The following DNAAF11 variants were observed in gnomAD, a reference collection of about 807,000 sequenced individuals.
DNAAF11 encodes the protein leucine rich repeat containing 6.
DNAAF11 carries 45 observed loss-of-function variants against 60.8 expected under a neutral mutation model. The observed-to-expected ratio is 0.74, with a 90% CI of 0.58 to 0.95. DNAAF11 has a LOEUF of 0.95. DNAAF11 is among the 40% of genes least tolerant of loss of function. DNAAF11 has a pLI of 0.00. For missense variants in DNAAF11, 546 were observed against 546.2 expected, an observed-to-expected ratio of 1.00 and a Z score of 0.00; for synonymous variants, 191 against 183.5, an observed-to-expected ratio of 1.04 and a Z score of -0.33.
chr8:132,578,962 G>T (rs1563963670), intron 11 of DNAAF11, among the ~76,000 whole-genome samples: 1 of 152,252 alleles, frequency 6.6e-6, no homozygotes, highest in East Asian at 1.9e-4. Context: ...CAGTGCCAAA[G>T]AGCTTCTCTG....
intron 4 of DNAAF11, among the ~76,000 whole-genome samples, chr8:132,636,057 C>A (rs948738459): frequency 2.0e-4 from 30 of 151,710 alleles, no homozygotes; most frequent in African/African-American, 6.1e-4. Context: ...TTTCTGTTGT[C>A]TAAGCCATCT....
In DNAAF11 at chr8:132,612,297, A is replaced by C. The variant is rs1818744002; in HGVS notation, c.975-934T>G. Reference sequence around the variant, plus strand: ...ATAAAGCATCATTATATGCCATTTAAAAACAATTTTTATAATAATAATAGA... The same window carrying C: ...ATAAAGCATCATTATATGCCATTTACAAACAATTTTTATAATAATAATAGA... On this transcript the variant is annotated intron_variant, in intron 8 of 11. Coordinates refer to ENST00000620350, the MANE Select transcript of DNAAF11 (RefSeq NM_012472.6). Among the ~76,000 whole-genome samples, 2 of 152,210 alleles carry C rather than the reference A, an allele frequency of 1.3e-5. 1 individual carries two copies. Among genetic ancestry groups the C allele is most frequent in the Admixed American group, 1.3e-4 (2 of 15,274 alleles).
chr8:132,644,378 G>A (rs780322695), intron 3 of DNAAF11, among the ~76,000 whole-genome samples: 4 of 152,276 alleles, frequency 2.6e-5, no homozygotes, highest in East Asian at 1.9e-4. Flanking sequence ...GTTTCAAGAC[G>A]GCCAAATAGG....
chr8:132,650,069 G>A (rs1308485069), intron 3 of DNAAF11, among the ~76,000 whole-genome samples: 11 of 152,148 alleles, frequency 7.2e-5, no homozygotes, highest in Non-Finnish European at 1.0e-4. Context: ...ACATGCATAC[G>A]TATATTTATT....
chr8:132,661,606 C>T lies in DNAAF11; in HGVS notation c.32G>A (p.Arg11Gln), dbSNP rs149894438. ...GACACAGTCGTTGTGTTCAGCATTC[C>T]GTCTAATAAGATCTTCTGTGACTGG... MGWITEDLIR[R>Q]NAEHNDCVIF... The change falls in exon 2 of 12, where the codon CGG (arginine) becomes CAG (glutamine). Residue 11 changes from arginine (R) to glutamine (Q), a missense_variant. Coordinates refer to ENST00000620350, the MANE Select transcript of DNAAF11 (RefSeq NM_012472.6). 85 of 1,613,876 alleles carry T rather than the reference C, an allele frequency of 5.3e-5. No individual in the cohort carries two copies. In the African/African-American group the frequency reaches 1.0e-3, roughly 19 times the overall value.
At chr8:132,606,865 T>C (rs1310256905) in intron 10 of DNAAF11, among the ~76,000 whole-genome samples, 2 of 152,340 alleles carry the variant, frequency 1.3e-5, no homozygotes, top group East Asian at 3.9e-4. Context: ...GAAATATTTT[T>C]GTATAGCTGT....
chr8:132,600,029 A>G (rs1410503563), intron 10 of DNAAF11, among the ~76,000 whole-genome samples: 17 of 152,154 alleles, frequency 1.1e-4, no homozygotes, highest in Admixed American at 6.5e-5. Context: ...AAACCCCATC[A>G]TCTCAGCCCA....
the DNAAF11 span, among the ~76,000 whole-genome samples, chr8:132,698,007 G>A: frequency 6.6e-6 from 1 of 152,164 alleles, no homozygotes; most frequent in South Asian, 2.1e-4. Flanking sequence ...ACACCCCTGT[G>A]AGATAGGCAG....
In DNAAF11 at chr8:132,572,361, G is replaced by C; in HGVS notation, c.1346C>G (p.Pro449Arg). The C allele has an allele frequency of 6.2e-7, 1 of 1,613,788 alleles. No homozygotes were observed. The highest frequency in any genetic ancestry group is 8.5e-7 in the Non-Finnish European group (1 of 1,179,848). ...TTCAAAGGTTGGGTCTTCCTCACTT[G>C]GTATAATTTTGGGTTCAGGTCGTCT... ...PRRRPEPKIIPSEEDPTFEDN... is the reference protein window; with the variant it reads ...PRRRPEPKIIRSEEDPTFEDN... The change falls in exon 12 of 12, where the codon CCA (proline) becomes CGA (arginine). Residue 449 changes from proline to arginine, a missense_variant. Pro to Arg is a moderately radical substitution (Grantham distance 103). Transcript: ENST00000620350.
the DNAAF11 span, among the ~76,000 whole-genome samples, chr8:132,689,259 G>A: frequency 6.6e-6 from 1 of 152,108 alleles, no homozygotes; most frequent in South Asian, 2.1e-4. Flanking sequence ...TCTATTGACG[G>A]GTTTTAGAAG....
At chr8:132,642,076 A>G (rs911807461) in intron 3 of DNAAF11, among the ~76,000 whole-genome samples, 12 of 152,230 alleles carry the variant, frequency 7.9e-5, no homozygotes, top group African/African-American at 2.7e-4. Context: ...ACATGGTTAG[A>G]GTTGAGAATT....
chr8:132,687,073 C>T, the DNAAF11 span, among the ~76,000 whole-genome samples: 2 of 152,252 alleles, frequency 1.3e-5, no homozygotes, highest in East Asian at 1.9e-4. Context: ...AACCAGGAAA[C>T]ATTTGCTGAA....
chr8:132,625,700 T>A lies in DNAAF11; in HGVS notation c.654-246A>T, dbSNP rs192270608. ...TAGGGCAGGCCTTCATCTTCTATCA[T>A]CAGGAATATTGCTGTAATCAGATTC... On this transcript the variant is annotated intron_variant, in intron 5 of 11. Transcript: ENST00000620350. Among the ~76,000 whole-genome samples, 4 of 152,316 alleles carry A rather than the reference T, an allele frequency of 2.6e-5. No homozygotes were observed. The East Asian group carries it at 7.7e-4, about 29-fold the overall frequency.
chr8:132,602,647 A>G (rs1032920495), intron 10 of DNAAF11, among the ~76,000 whole-genome samples: 1 of 151,980 alleles, frequency 6.6e-6, no homozygotes. Context: ...ACAACCTGCC[A>G]TAATCAAATT....
At chr8:132,644,627 C>G (rs1822184821) in intron 3 of DNAAF11, among the ~76,000 whole-genome samples, 1 of 152,156 alleles carries the variant, frequency 6.6e-6, no homozygotes, top group Non-Finnish European at 1.5e-5. Flanking sequence ...TTGGGACACT[C>G]CCACCCTAAT....
intron 7 of DNAAF11, among the ~76,000 whole-genome samples, chr8:132,622,327 G>A (rs1046338809): frequency 6.6e-5 from 10 of 152,116 alleles, no homozygotes; most frequent in African/African-American, 2.4e-4. Context: ...CAATTTTCAG[G>A]CATAAAACTG....
intron 2 of DNAAF11, among the ~76,000 whole-genome samples, chr8:132,659,257 C>A (rs943767521): frequency 6.6e-6 from 1 of 152,214 alleles, no homozygotes; most frequent in Non-Finnish European, 1.5e-5. Context: ...GCAATTGCTT[C>A]ACAAACTTCT....
the DNAAF11 span, among the ~76,000 whole-genome samples, chr8:132,683,378 C>A: frequency 6.6e-6 from 1 of 152,196 alleles, no homozygotes; most frequent in East Asian, 1.9e-4. Context: ...TAAAGACTCC[C>A]TTTGGCCCCC....
chr8:132,583,979 C>T (rs952574265), intron 10 of DNAAF11, among the ~76,000 whole-genome samples, 200 bp from the exon 11 acceptor site: 8 of 152,042 alleles, frequency 5.3e-5, no homozygotes, highest in Non-Finnish European at 1.0e-4. Context: ...AAGAGTCTCG[C>T]GAAGCCACAA....
Sources: allele counts gnomAD v4.1 joint callset (sites outside exome capture counted in the v4.1 genomes callset), GRCh38; gene constraint gnomAD v4.1.1; transcripts MANE v1.5; gene names NCBI Gene and HGNC (gene_info 2026-07-23, HGNC 2026-07-21).